The following CBFA2T3 variants were observed in gnomAD, a reference collection of about 807,000 sequenced individuals.
CBFA2T3 encodes CBFA2/RUNX1 partner transcriptional co-repressor 3, also known as transcriptional corepressor CBFA2T3.
CBFA2T3 carries 31 observed loss-of-function variants against 58.6 expected under a neutral mutation model. That is an observed-to-expected ratio of 0.53 (90% CI 0.40 to 0.71). The LOEUF (loss-of-function observed/expected upper bound fraction) is 0.71. Among genes scored for constraint, CBFA2T3 ranks in the 30% least tolerant of loss-of-function variants. The pLI is 0.00. For missense variants in CBFA2T3, 1,076 were observed against 963.1 expected (o/e 1.12, Z -1.55); for synonymous variants, 531 against 421.9 (o/e 1.26, Z -3.17).
At position 88,885,804 on chromosome 16, in the gene CBFA2T3, G is replaced by A; in HGVS notation, c.893+157C>T. ...GTCCGCCCGTGCAGCCACCAAGCCT[G>A]CTGGCCCTAGTACACCTCGCCACGC... On this transcript the variant is annotated intron_variant, in intron 6 of 11. Coordinates refer to ENST00000268679, the MANE Select transcript of CBFA2T3 (RefSeq NM_005187.6). The surrounding 1 kb of genome is among the most constrained non-coding windows in gnomAD (Gnocchi z 5.3). The A allele has an allele frequency of 1.6e-6, 1 of 640,070 alleles. No individual in the cohort carries two copies. Among genetic ancestry groups the A allele is most frequent in the Non-Finnish European group, 2.7e-6 (1 of 372,696 alleles). The allele number at this position is 640,070 out of a possible 1,614,324, so 39.6% of individuals were successfully genotyped here. A position where few individuals can be genotyped will look rare whatever the true frequency, so the allele number is the denominator to read the frequency against.
intron 1 of CBFA2T3, among the ~76,000 whole-genome samples, chr16:88,917,884 G>C (rs975215215): frequency 1.3e-5 from 2 of 152,142 alleles, no homozygotes; most frequent in South Asian, 2.1e-4. Context: ...GGGTGCGGAC[G>C]AGAGTGTGGG....
chr16:88,891,759 A>G, intron 5 of CBFA2T3, 123 bp downstream of exon 5: 1 of 680,080 alleles, frequency 1.5e-6, no homozygotes, highest in East Asian at 2.7e-5. Context: ...CTCTTCATCC[A>G]CCTGCCTATC....
chr16:88,970,319 A>T (rs1972618333), intron 1 of CBFA2T3, among the ~76,000 whole-genome samples: 1 of 152,078 alleles, frequency 6.6e-6, no homozygotes, highest in South Asian at 2.1e-4. Flanking sequence ...AAGCAAGGAG[A>T]CGGAGAGGTG....
intron 1 of CBFA2T3, among the ~76,000 whole-genome samples, chr16:88,961,108 C>G (rs1972343405): frequency 6.6e-6 from 1 of 152,218 alleles, no homozygotes; most frequent in Non-Finnish European, 1.5e-5. Flanking sequence ...TGCCTTCTGT[C>G]TTCCACGGCC....
intron 1 of CBFA2T3, among the ~76,000 whole-genome samples, chr16:88,976,315 G>C (rs1417764815): frequency 6.6e-6 from 1 of 152,114 alleles, no homozygotes; most frequent in African/African-American, 2.4e-5. Context: ...TCTCTTTCTA[G>C]GACCCCCCCA....
intron 1 of CBFA2T3, chr16:88,902,660 G>A (rs1328206882): frequency 6.6e-6 from 1 of 152,208 alleles, no homozygotes; most frequent in Non-Finnish European, 1.5e-5. Flanking sequence ...TTTTCTGCAG[G>A]GGGTGCGGGT....
In CBFA2T3 at chr16:88,901,596, G is replaced by A. The variant is rs779187993; in HGVS notation, c.212C>T (p.Thr71Met). Reference sequence around the variant, plus strand: ...GCTGGGGGGTGTGGACCGGGGCTGCGTCTTCACCTCCGCTGGGGAGTCCGG... The same window carrying A: ...GCTGGGGGGTGTGGACCGGGGCTGCATCTTCACCTCCGCTGGGGAGTCCGG... ...AMPDSPAEVK[T>M]QPRSTPPSMP... is the part of the protein sequence containing the mutation. The change falls in exon 2 of 12, where the codon ACG becomes ATG. Residue 71 changes from threonine to methionine, a missense_variant. Transcript: ENST00000268679. The A allele has an allele frequency of 3.6e-5, 54 of 1,517,958 alleles. No individual in the cohort carries two copies. The highest frequency in any genetic ancestry group is 4.4e-5 in the Non-Finnish European group (50 of 1,146,024). 94.0% of individuals were successfully genotyped at this position (1,517,958 alleles called of 1,614,324 possible). A position where few individuals can be genotyped will look rare whatever the true frequency, so the allele number is the denominator to read the frequency against.
Position 88,894,208 on chromosome 16 carries a change from A to G in CBFA2T3, c.380-1723T>C, listed in dbSNP as rs919702722. On this transcript the variant is annotated intron_variant, in intron 3 of 11. Coordinates refer to ENST00000268679, the MANE Select transcript of CBFA2T3 (RefSeq NM_005187.6). Reference sequence around the variant, plus strand: ...ACATATACACATGCACACAATGTACACACATGCACGCACACATGCACACAC... The same window carrying G: ...ACATATACACATGCACACAATGTACGCACATGCACGCACACATGCACACAC... Among the ~76,000 whole-genome samples the G allele has an allele frequency of 2.2e-4, 32 of 144,646 alleles. 2 individuals are homozygous for G. The highest frequency in any genetic ancestry group is 4.1e-4 in the Non-Finnish European group (27 of 66,004). The allele number at this position is 144,646 out of a possible 152,430, so 94.9% of individuals were successfully genotyped here.
At chr16:88,884,742 G>A (rs544420525) in intron 7 of CBFA2T3, 9 of 315,540 alleles carry the variant, frequency 2.9e-5, no homozygotes, top group African/African-American at 1.7e-4. Context: ...GAGAAGCAGA[G>A]AGCCACGTGA....
chr16:88,935,357 C>A (rs1356858142), intron 1 of CBFA2T3, among the ~76,000 whole-genome samples: 1 of 152,192 alleles, frequency 6.6e-6, no homozygotes, highest in African/African-American at 2.4e-5. Flanking sequence ...CTGGTGAGAG[C>A]CCCCCACCAC....
chr16:88,886,181 G>A, intron 5 of CBFA2T3, 39 bp from the exon 6 acceptor site: 1 of 1,451,620 alleles, frequency 6.9e-7, no homozygotes, highest in Non-Finnish European at 9.1e-7. Flanking sequence ...AGCATGCAGG[G>A]GTGCACAGCC....
At chr16:88,902,611 G>C (rs1200293905) in intron 1 of CBFA2T3, 2 of 151,622 alleles carry the variant, frequency 1.3e-5, no homozygotes, top group African/African-American at 2.4e-5. Context: ...AGACGTGCCC[G>C]AGACACCAGG....
chr16:88,914,250 G>C (rs1334253114), intron 1 of CBFA2T3, among the ~76,000 whole-genome samples: 1 of 152,348 alleles, frequency 6.6e-6, no homozygotes, highest in Admixed American at 6.5e-5. Context: ...GATGCTAGAG[G>C]TCAGGAATGG....
At chr16:88,899,687 G>C (rs1970025425) in intron 2 of CBFA2T3, among the ~76,000 whole-genome samples, 2 of 152,218 alleles carry the variant, frequency 1.3e-5, no homozygotes, top group African/African-American at 4.8e-5. Context: ...GGAAGAGCAG[G>C]TGGGGGAGAC....
At chr16:88,904,000 T>A (rs1297168245) in intron 1 of CBFA2T3, among the ~76,000 whole-genome samples, 4 of 152,164 alleles carry the variant, frequency 2.6e-5, no homozygotes, top group Admixed American at 1.3e-4. Context: ...ACATGCCACA[T>A]TTCCTAAGGT....
intron 1 of CBFA2T3, among the ~76,000 whole-genome samples, chr16:88,948,107 T>A (rs1434496941): frequency 6.6e-6 from 1 of 152,172 alleles, no homozygotes. Context: ...GTCCCATAAA[T>A]AACTCGATCA....
chr16:88,961,292 G>C (rs1019817273), intron 1 of CBFA2T3, among the ~76,000 whole-genome samples: 2 of 152,160 alleles, frequency 1.3e-5, no homozygotes, highest in African/African-American at 4.8e-5. Context: ...CAGCACTGGA[G>C]ATTTCCACTG....
At chr16:88,903,229 C>G (rs1164042284) in intron 1 of CBFA2T3, among the ~76,000 whole-genome samples, 1 of 152,194 alleles carries the variant, frequency 6.6e-6, no homozygotes, top group African/African-American at 2.4e-5. Flanking sequence ...CGGCACAAAC[C>G]TCTGCTGATC....
At chr16:88,938,602 T>C (rs1461839887) in intron 1 of CBFA2T3, 1 of 152,348 alleles carries the variant, frequency 6.6e-6, no homozygotes. Context: ...AGGCAGGCAG[T>C]GCAGCAAGTG....
Sources: gnomAD v4.1 joint callset for allele counts (sites outside exome capture counted in the v4.1 genomes callset) on GRCh38, gnomAD v4.1.1 for gene constraint, Gnocchi (gnomAD v3.1) non-coding constraint, MANE v1.5 for transcripts, NCBI Gene and HGNC (gene_info 2026-07-23, HGNC 2026-07-21) for gene names.